PCDHAC2: variants seen among roughly 807,000 people sequenced by gnomAD.
PCDHAC2 encodes protocadherin alpha subfamily C, 2.
A neutral mutation model predicts 63.3 loss-of-function variants in PCDHAC2; 24 were observed. The observed-to-expected ratio is 0.38, with a 90% CI of 0.27 to 0.53. The LOEUF is 0.53. Ranked by LOEUF, PCDHAC2 falls within the 20% of genes least tolerant of loss-of-function variation. The probability of loss-of-function intolerance (pLI) is 0.81; values close to 1 mark genes in which losing one functional copy is unlikely to be tolerated. For synonymous variants in PCDHAC2, 569 were observed against 529.4 expected, an observed-to-expected ratio of 1.07 and a Z score of -1.03; for missense variants, 1,181 against 1,275.2, an observed-to-expected ratio of 0.93 and a Z score of 1.12.
At chr5:140,980,856 G>A (rs559833499) in intron 2 of PCDHAC2, among the ~76,000 whole-genome samples, 2 of 152,004 alleles carry the variant, frequency 1.3e-5, no homozygotes, top group African/African-American at 2.4e-5. Context: ...AATCTTTTTC[G>A]TATGTGTGCT....
chr5:140,983,901 AT>A (rs782712573), intron 3 of PCDHAC2, among the ~76,000 whole-genome samples: 20 of 152,338 alleles, frequency 1.3e-4, no homozygotes, highest in Non-Finnish European at 2.6e-4. Context: ...GCATTCGTTG[AT>A]TCTAATCAGC....
chr5:141,009,863 A>G lies in PCDHAC2; in HGVS notation c.2950A>G (p.Lys984Glu). 1 of 1,614,104 alleles carries G rather than the reference A, an allele frequency of 6.2e-7. No homozygotes were observed. Among genetic ancestry groups the G allele is most frequent in the Non-Finnish European group, 8.5e-7 (1 of 1,180,006 alleles). Residue 984 changes from lysine to glutamate, a missense_variant, in exon 4 of 4, where the codon AAA becomes GAA. Coordinates refer to ENST00000289269, the MANE Select transcript of PCDHAC2 (RefSeq NM_018899.6). ...GKKEETKKKK[K>E]KKKGNKTQEK... ...AAAGGAGGAGACCAAGAAAAAGAAG[A>G]AAAAGAAGAAGGGTAACAAGACCCA...
Position 141,010,446 on chromosome 5 carries a change from C to A in PCDHAC2, c.*509C>A. On this transcript the variant is annotated 3_prime_UTR_variant, in exon 4 of 4. Coordinates refer to ENST00000289269, the MANE Select transcript of PCDHAC2 (RefSeq NM_018899.6). ...AGGCAAGAAAACAAAGACAAATAAA[C>A]AGCGGAAGTTATCAGTATGGAGGGG... 1 of 944,706 alleles carries A rather than the reference C, an allele frequency of 1.1e-6. No homozygotes were observed. The highest frequency in any genetic ancestry group is 1.7e-5 in the African/African-American group (1 of 60,424). The allele number at this position is 944,706 out of a possible 1,614,324, so 58.5% of individuals were successfully genotyped here.
rs1489888830 is a variant in PCDHAC2, at chr5:140,987,480, A to G, written c.2713+4917A>G. ...TGTTAAGAGCTCAAGCTTGGGAGTC[A>G]GTGACCCTTTCTGAATTCTACCTCT... is the stretch of plus-strand genomic sequence containing the variant. On this transcript the variant is annotated intron_variant, in intron 3 of 3. Coordinates refer to ENST00000289269, the MANE Select transcript of PCDHAC2 (RefSeq NM_018899.6). Among the ~76,000 whole-genome samples, 6 of 152,310 alleles carry G rather than the reference A, an allele frequency of 3.9e-5. No homozygotes were observed. The South Asian group carries it at 1.2e-3, about 32-fold the overall frequency.
chr5:141,005,701 CAAAAAAAAAAAAAAAA>C (rs59860837), intron 3 of PCDHAC2, among the ~76,000 whole-genome samples: 5 of 7,786 alleles, frequency 6.4e-4, no homozygotes, highest in African/African-American at 1.9e-3. Context: ...AACTCCGTCT[CAAAAAAAAAAAAAAAA>C]AAAAAAAAAA....
intron 3 of PCDHAC2, among the ~76,000 whole-genome samples, chr5:140,983,788 C>T (rs1319880543): frequency 6.6e-6 from 1 of 152,144 alleles, no homozygotes; most frequent in Non-Finnish European, 1.5e-5. Context: ...TAACAGATGA[C>T]AGAATGTGTG....
intron 3 of PCDHAC2, among the ~76,000 whole-genome samples, chr5:140,985,081 G>C (rs1028077723): frequency 1.3e-5 from 2 of 152,088 alleles, no homozygotes; most frequent in African/African-American, 4.8e-5. Flanking sequence ...GAGACTACAG[G>C]CGTGTGCCAC....
At chr5:140,972,306 GT>G (rs2096530781) in intron 1 of PCDHAC2, among the ~76,000 whole-genome samples, 1 of 150,488 alleles carries the variant, frequency 6.6e-6, no homozygotes, top group South Asian at 2.1e-4. Flanking sequence ...TGTCTGACTA[GT>G]TTTTAGGTGT....
intron 3 of PCDHAC2, among the ~76,000 whole-genome samples, chr5:140,985,205 G>C (rs1554246849): frequency 6.6e-6 from 1 of 152,092 alleles, no homozygotes; most frequent in African/African-American, 2.4e-5. Flanking sequence ...CCAAAGTGTT[G>C]GGATTACAGG....
chr5:140,967,355 C>G lies in PCDHAC2; in HGVS notation c.589C>G (p.Leu197Val). The G allele has an allele frequency of 6.2e-7, 1 of 1,608,112 alleles. No individual in the cohort carries two copies. The highest frequency in any genetic ancestry group is 8.5e-7 in the Non-Finnish European group (1 of 1,175,890). ...LSPSEHFELD[L>V]KPLQENSKVL... ...CCCCAGCGAGCACTTCGAGCTGGAC[C>G]TTAAGCCCCTGCAGGAGAACAGTAA... Residue 197 changes from leucine to valine, a missense_variant, in exon 1 of 4, where the codon CTT (leucine) becomes GTT (valine). Coordinates refer to ENST00000289269, the MANE Select transcript of PCDHAC2 (RefSeq NM_018899.6).
At chr5:141,002,331 C>T (rs550513057) in intron 3 of PCDHAC2, among the ~76,000 whole-genome samples, 1 of 152,372 alleles carries the variant, frequency 6.6e-6, no homozygotes, top group South Asian at 2.1e-4. Context: ...CGGGCTGCAT[C>T]CGCACCCCTT....
chr5:140,987,155 A>G (rs2097233368), intron 3 of PCDHAC2, among the ~76,000 whole-genome samples: 1 of 151,902 alleles, frequency 6.6e-6, no homozygotes, highest in South Asian at 2.1e-4. Context: ...TGGAGGTTGC[A>G]GTGAGCTGAG....
At chr5:140,979,563 C>T (rs1480899524) in intron 2 of PCDHAC2, among the ~76,000 whole-genome samples, 1 of 152,174 alleles carries the variant, frequency 6.6e-6, no homozygotes, top group African/African-American at 2.4e-5. Context: ...GAAGATGAGC[C>T]ATGTAAAGGG....
chr5:140,987,589 G>A (rs1554249335), intron 3 of PCDHAC2, among the ~76,000 whole-genome samples: 1 of 152,180 alleles, frequency 6.6e-6, no homozygotes, highest in Non-Finnish European at 1.5e-5. Context: ...GGGGAGAATA[G>A]TGGTGTCTAC....
rs1466161811 is a variant in PCDHAC2, at chr5:140,966,737, G to A, written c.-30G>A. The A allele has an allele frequency of 2.8e-6, 4 of 1,420,882 alleles. No individual in the cohort carries two copies. The highest frequency in any genetic ancestry group is 3.7e-6 in the Non-Finnish European group (4 of 1,092,932). 88.0% of individuals were successfully genotyped at this position (1,420,882 alleles called of 1,614,324 possible). A position where few individuals can be genotyped will look rare whatever the true frequency, so the allele number is the denominator to read the frequency against. On this transcript the variant is annotated 5_prime_UTR_variant, in exon 1 of 4. Transcript: ENST00000289269. ...TGGGGAAGCTGCCGCCTCCGGCCCT[G>A]CCCGGCTGCCTCCGCCGCGGCCAGT...
intron 3 of PCDHAC2, among the ~76,000 whole-genome samples, chr5:141,004,580 A>G (rs782539696): frequency 5.3e-5 from 8 of 152,222 alleles, no homozygotes; most frequent in Non-Finnish European, 1.2e-4. Context: ...TGTGTTCTGC[A>G]TCTCCAGATG....
At chr5:140,983,783 G>A (rs2097068046) in intron 3 of PCDHAC2, among the ~76,000 whole-genome samples, 1 of 152,130 alleles carries the variant, frequency 6.6e-6, no homozygotes, top group Non-Finnish European at 1.5e-5. Context: ...ATACATAACA[G>A]ATGACAGAAT....
intron 3 of PCDHAC2, among the ~76,000 whole-genome samples, chr5:141,005,701 CAAAAAAA>C (rs59860837): frequency 1.3e-4 from 1 of 7,786 alleles, no homozygotes; most frequent in African/African-American, 4.7e-4. Context: ...AACTCCGTCT[CAAAAAAA>C]AAAAAAAAAA....
rs565339027 is a variant in PCDHAC2, at chr5:141,010,492, C to G, written c.*555C>G. ...AGGGGAAGTGTAAACTTAAAGGGAC[C>G]AGACTTTCTAAATCTTACAACTCAA... On this transcript the variant is annotated 3_prime_UTR_variant, in exon 4 of 4. Transcript: ENST00000289269. 28 of 628,626 alleles carry G rather than the reference C, an allele frequency of 4.5e-5. No homozygotes were observed. Among genetic ancestry groups the G allele is most frequent in the Admixed American group, 1.7e-4 (5 of 29,282 alleles). 38.9% of individuals were successfully genotyped at this position (628,626 alleles called of 1,614,324 possible).
Sources: allele counts gnomAD v4.1 joint callset (sites outside exome capture counted in the v4.1 genomes callset), GRCh38; gene constraint gnomAD v4.1.1; transcripts MANE v1.5; gene names NCBI Gene and HGNC (gene_info 2026-07-23, HGNC 2026-07-21).